CDKAL1: variants seen among roughly 807,000 people sequenced by gnomAD.
The protein encoded by CDKAL1 is CDKAL1 threonylcarbamoyladenosine tRNA methylthiotransferase.
CDKAL1 carries 32 observed loss-of-function variants against 68.2 expected under a neutral mutation model. The observed-to-expected ratio is 0.47, with a 90% confidence interval of 0.35 to 0.63. The LOEUF is 0.63. CDKAL1 is among the 30% of genes least tolerant of loss of function. CDKAL1 has a pLI of 0.00. For synonymous variants in CDKAL1, 234 were observed against 244.3 expected (o/e 0.96, Z 0.39); for missense variants, 606 against 696.7 (o/e 0.87, Z 1.47).
intron 9 of CDKAL1, among the ~76,000 whole-genome samples, chr6:20,857,591 C>T (rs982667536): frequency 6.6e-6 from 1 of 152,208 alleles, no homozygotes; most frequent in African/African-American, 2.4e-5. Context: ...ATTCAGTAGC[C>T]TTGCCATAGG....
intron 5 of CDKAL1, among the ~76,000 whole-genome samples, chr6:20,715,066 A>G (rs1772027062): frequency 6.6e-6 from 1 of 152,248 alleles, no homozygotes; most frequent in Admixed American, 6.5e-5. Context: ...TGGCAAGAGC[A>G]GTTATAATCT....
At chr6:20,667,595 C>T (rs1769612725) in intron 5 of CDKAL1, among the ~76,000 whole-genome samples, 1 of 152,126 alleles carries the variant, frequency 6.6e-6, no homozygotes, top group African/African-American at 2.4e-5. Context: ...ATCAAAGACC[C>T]TAGGCACTAA....
At chr6:20,807,226 ATT>A (rs1234504262) in intron 8 of CDKAL1, among the ~76,000 whole-genome samples, 5 of 144,952 alleles carry the variant, frequency 3.4e-5, no homozygotes, top group African/African-American at 5.0e-5. Flanking sequence ...GCCAAAATTG[ATT>A]TTTTTTTTTT....
chr6:21,208,916 A>G (rs1779042143), intron 15 of CDKAL1, among the ~76,000 whole-genome samples: 1 of 152,170 alleles, frequency 6.6e-6, no homozygotes, highest in African/African-American at 2.4e-5. Flanking sequence ...GTACCATCCA[A>G]AGTATCATCA....
chr6:21,003,371 T>TATATATATATAC lies in CDKAL1; in HGVS notation c.1055+3000_1055+3001insTATATATATACA. ...ATATATATATATATATATATATATA[T>TATATATATATAC]ACACACACACACACACACATATATA... On this transcript the variant is annotated intron_variant, in intron 11 of 15. Transcript: ENST00000274695. 3.3e-3 allele frequency among the ~76,000 whole-genome samples: 163 copies of TATATATATATAC among 49,172 alleles called. 3 individuals are homozygous for TATATATATATAC. The highest frequency in any genetic ancestry group is 6.7e-3 in the African/African-American group (61 of 9,156). 32.3% of individuals were successfully genotyped at this position (49,172 alleles called of 152,430 possible).
At chr6:20,584,046 C>CTT (rs56742923) in intron 4 of CDKAL1, among the ~76,000 whole-genome samples, 124 of 140,616 alleles carry the variant, frequency 8.8e-4, no homozygotes, top group African/African-American at 2.8e-3. Context: ...TGCTGGTTTC[C>CTT]TTTTTTTTTT....
intron 6 of CDKAL1, among the ~76,000 whole-genome samples, chr6:20,750,684 C>T (rs1773876657): frequency 6.6e-6 from 1 of 152,068 alleles, no homozygotes; most frequent in Admixed American, 6.6e-5. Context: ...GTACTATCAG[C>T]CAGGCGTGGT....
At chr6:21,182,158 AGCT>A (rs1379623851) in intron 13 of CDKAL1, among the ~76,000 whole-genome samples, 19 of 152,242 alleles carry the variant, frequency 1.2e-4, no homozygotes, top group Admixed American at 1.2e-3. Context: ...AGATTATTAT[AGCT>A]GCTCTTTGTT....
At chr6:20,642,899 AAACAAC>A (rs79933332) in intron 4 of CDKAL1, among the ~76,000 whole-genome samples, 30,422 of 150,226 alleles carry the variant, frequency 0.2, 3,236 homozygotes, top group African/African-American at 0.24. Flanking sequence ...ACTTTGTCTC[AAACAAC>A]AACAACAACA....
intron 4 of CDKAL1, among the ~76,000 whole-genome samples, chr6:20,639,755 C>T (rs1768079026): frequency 6.6e-6 from 1 of 152,222 alleles, no homozygotes; most frequent in Non-Finnish European, 1.5e-5. Context: ...ACTGCAACCT[C>T]CGCCTCCCAT....
intron 9 of CDKAL1, among the ~76,000 whole-genome samples, chr6:20,928,939 G>T (rs1422524540): frequency 6.6e-6 from 1 of 152,126 alleles, no homozygotes. Context: ...ACGAAGTCGA[G>T]TCCTGGATTC....
At chr6:20,678,127 A>G (rs889835996) in intron 5 of CDKAL1, among the ~76,000 whole-genome samples, 5 of 149,534 alleles carry the variant, frequency 3.3e-5, no homozygotes, top group African/African-American at 1.2e-4. Context: ...TCTTTGTACT[A>G]TCATTGCTTG....
intron 2 of CDKAL1, among the ~76,000 whole-genome samples, chr6:20,538,293 C>T (rs111507746): frequency 4.2e-4 from 63 of 150,928 alleles, no homozygotes; most frequent in African/African-American, 1.4e-3. Flanking sequence ...TTTTCCTTTA[C>T]GCATTGTTTT....
chr6:20,613,225 A>T (rs1241063433), intron 4 of CDKAL1, among the ~76,000 whole-genome samples: 1 of 111,034 alleles, frequency 9.0e-6, no homozygotes, highest in Admixed American at 9.1e-5. Flanking sequence ...ACCTTGTTTT[A>T]TCAGTTCATC....
At chr6:20,690,763 C>T (rs1770836159) in intron 5 of CDKAL1, among the ~76,000 whole-genome samples, 1 of 151,864 alleles carries the variant, frequency 6.6e-6, no homozygotes. Context: ...CTGTGGAAGT[C>T]AAGACTACTT....
At chr6:21,065,744 C>G (rs574821564) in intron 12 of CDKAL1, among the ~76,000 whole-genome samples, 21 of 147,132 alleles carry the variant, frequency 1.4e-4, no homozygotes, top group African/African-American at 4.0e-4. Flanking sequence ...TTCACAGATA[C>G]AGTAGAATTA....
intron 4 of CDKAL1, among the ~76,000 whole-genome samples, chr6:20,621,313 A>G (rs1445373212): frequency 6.6e-6 from 1 of 152,088 alleles, no homozygotes; most frequent in Non-Finnish European, 1.5e-5. Context: ...AGACCATGCA[A>G]GTGTGCTGCC....
Position 20,756,926 on chromosome 6 carries a change from T to TC in CDKAL1, c.469-1667dup, listed in dbSNP as rs1554115862. ...TTCCTTCCTTCCTTCCTTCCTTCCC[T>TC]CCTTCCCTTCCTTCCCTCCTTCCTT... On this transcript the variant is annotated intron_variant, in intron 6 of 15. Transcript: ENST00000274695. 2.0e-4 allele frequency among the ~76,000 whole-genome samples: 23 copies of TC among 112,228 alleles called. No individual in the cohort carries two copies. The East Asian group carries it at 7.4e-3, about 36-fold the overall frequency. The allele number at this position is 112,228 out of a possible 152,430, so 73.6% of individuals were successfully genotyped here.
chr6:21,014,166 A>T (rs1768171661), intron 11 of CDKAL1, among the ~76,000 whole-genome samples: 1 of 152,182 alleles, frequency 6.6e-6, no homozygotes, highest in Non-Finnish European at 1.5e-5. Flanking sequence ...TTAGAACATA[A>T]CTTTCCCTAG....
Sources: allele counts gnomAD v4.1 joint callset (sites outside exome capture counted in the v4.1 genomes callset), GRCh38; gene constraint gnomAD v4.1.1; transcripts MANE v1.5; gene names NCBI Gene and HGNC (gene_info 2026-07-23, HGNC 2026-07-21).